The following ENTREP2 variants were observed in gnomAD, a reference collection of about 807,000 sequenced individuals.
ENTREP2 encodes the protein protein ENTREP2.
the ENTREP2 span, among the ~76,000 whole-genome samples, chr15:29,640,668 CA>C: frequency 6.7e-3 from 1,012 of 151,688 alleles, 12 homozygotes; most frequent in African/African-American, 0.023. Flanking sequence ...CAAAACAAAA[CA>C]AAACAAAAAA....
the ENTREP2 span, among the ~76,000 whole-genome samples, chr15:29,453,061 C>A: frequency 6.6e-6 from 1 of 152,080 alleles, no homozygotes; most frequent in African/African-American, 2.4e-5. Flanking sequence ...AAAATCACCT[C>A]GAGGCAACTG....
chr15:29,362,101 C>A, the ENTREP2 span, among the ~76,000 whole-genome samples: 3 of 152,132 alleles, frequency 2.0e-5, no homozygotes, highest in Non-Finnish European at 4.4e-5. Flanking sequence ...GGCTTCTGAG[C>A]TCCCAGAGAC....
the ENTREP2 span, among the ~76,000 whole-genome samples, chr15:29,404,209 C>G: frequency 6.6e-6 from 1 of 152,072 alleles, no homozygotes; most frequent in African/African-American, 2.4e-5. Flanking sequence ...AAAGACACAC[C>G]CTGGGAAAGG....
At chr15:29,405,297 G>A in the ENTREP2 span, among the ~76,000 whole-genome samples, 1 of 151,928 alleles carries the variant, frequency 6.6e-6, no homozygotes, top group Non-Finnish European at 1.5e-5. Flanking sequence ...GCTGAGGCAG[G>A]TGAATCGTTT....
chr15:29,370,678 A>G, the ENTREP2 span, among the ~76,000 whole-genome samples: 1 of 152,138 alleles, frequency 6.6e-6, no homozygotes, highest in Non-Finnish European at 1.5e-5. Context: ...ATGCCAAGAA[A>G]TCCTGATATA....
the ENTREP2 span, among the ~76,000 whole-genome samples, chr15:29,208,149 C>T: frequency 1.4e-5 from 2 of 146,324 alleles, no homozygotes; most frequent in African/African-American, 5.1e-5. Context: ...TTGCTTTCAC[C>T]CTCCCCTCCC....
the ENTREP2 span, among the ~76,000 whole-genome samples, chr15:29,330,145 A>G: frequency 4.7e-4 from 71 of 152,268 alleles, no homozygotes; most frequent in African/African-American, 1.5e-3. Context: ...GTGATGAGAT[A>G]AGAACAGTCT....
the ENTREP2 span, among the ~76,000 whole-genome samples, chr15:29,515,276 A>G: frequency 6.6e-6 from 1 of 152,144 alleles, no homozygotes; most frequent in Non-Finnish European, 1.5e-5. Flanking sequence ...ATGAGACCCC[A>G]AATATGAACA....
chr15:29,329,943 A>T, the ENTREP2 span, among the ~76,000 whole-genome samples: 1 of 152,214 alleles, frequency 6.6e-6, no homozygotes, highest in African/African-American at 2.4e-5. Flanking sequence ...CTCAGGGAAG[A>T]GGAACATGAT....
At chr15:29,160,360 C>G in the ENTREP2 span, among the ~76,000 whole-genome samples, 5 of 152,236 alleles carry the variant, frequency 3.3e-5, 1 homozygote, top group East Asian at 7.7e-4. Context: ...CCTCAAGTGC[C>G]GCCAAAGTGG....
chr15:29,291,527 C>T, the ENTREP2 span, among the ~76,000 whole-genome samples: 1 of 152,308 alleles, frequency 6.6e-6, no homozygotes, highest in Non-Finnish European at 1.5e-5. Context: ...AATTCCTGAG[C>T]CCTTGCAGGG....
chr15:29,647,708 C>T, the ENTREP2 span, among the ~76,000 whole-genome samples: 1 of 152,112 alleles, frequency 6.6e-6, no homozygotes, highest in Non-Finnish European at 1.5e-5. Flanking sequence ...CAAAAGGGTA[C>T]AATTTCATTC....
At chr15:29,584,445 G>GTT in the ENTREP2 span, among the ~76,000 whole-genome samples, 1 of 133,806 alleles carries the variant, frequency 7.5e-6, no homozygotes, top group Non-Finnish European at 1.5e-5. Flanking sequence ...GTGTGTGCAT[G>GTT]TGTGTGTGTG....
chr15:29,491,052 C>T, the ENTREP2 span, among the ~76,000 whole-genome samples: 4 of 152,196 alleles, frequency 2.6e-5, no homozygotes, highest in African/African-American at 7.2e-5. Flanking sequence ...CGCGAGAATT[C>T]GAGTGTGGCA....
chr15:29,331,750 C>T, the ENTREP2 span, among the ~76,000 whole-genome samples: 1 of 152,212 alleles, frequency 6.6e-6, no homozygotes, highest in Non-Finnish European at 1.5e-5. Flanking sequence ...CCCAACAATT[C>T]TACTTAAGTA....
At chr15:29,300,916 C>T in the ENTREP2 span, among the ~76,000 whole-genome samples, 2 of 152,230 alleles carry the variant, frequency 1.3e-5, no homozygotes, top group South Asian at 2.1e-4. Flanking sequence ...TCTTAATATG[C>T]TCCTTTTATT....
the ENTREP2 span, among the ~76,000 whole-genome samples, chr15:29,336,269 T>C: frequency 6.6e-6 from 1 of 151,974 alleles, no homozygotes; most frequent in Middle Eastern, 3.2e-3. Context: ...AGATAACCTA[T>C]GCCAAACTGT....
chr15:29,602,051 G>A, the ENTREP2 span, among the ~76,000 whole-genome samples: 1 of 152,216 alleles, frequency 6.6e-6, no homozygotes, highest in Admixed American at 6.5e-5. Flanking sequence ...GAACCGTGTT[G>A]TTGGAAGACT....
chr15:29,502,840 A>C, the ENTREP2 span, among the ~76,000 whole-genome samples: 1 of 152,096 alleles, frequency 6.6e-6, no homozygotes, highest in Non-Finnish European at 1.5e-5. Context: ...GCATGAAAAG[A>C]TCTTTAGGGA....
Sources: gnomAD v4.1 joint callset for allele counts (sites outside exome capture counted in the v4.1 genomes callset) on GRCh38, gnomAD v4.1.1 for gene constraint, MANE v1.5 for transcripts, NCBI Gene and HGNC (gene_info 2026-07-23, HGNC 2026-07-21) for gene names.